The following GPM6A variants were observed in gnomAD, a reference collection of about 807,000 sequenced individuals.
GPM6A encodes the protein glycoprotein M6A.
GPM6A carries 7 observed loss-of-function variants against 32.1 expected under a neutral mutation model. The observed-to-expected ratio is 0.22, with a 90% CI of 0.12 to 0.41. The LOEUF is 0.41. Ranked by LOEUF, GPM6A falls within the 10% of genes least tolerant of loss-of-function variation. The pLI is 1.00. For missense variants in GPM6A, 235 were observed against 347.2 expected (o/e 0.68, Z 2.57); for synonymous variants, 130 against 123.4 (o/e 1.05, Z -0.35).
At chr4:175,903,288 A>C (rs1738026396) in intron 1 of GPM6A, among the ~76,000 whole-genome samples, 1 of 152,070 alleles carries the variant, frequency 6.6e-6, no homozygotes, top group South Asian at 2.1e-4. Context: ...ATTCATTGAA[A>C]AAAAAAGAAT....
At chr4:175,943,927 A>G (rs983420430) in intron 1 of GPM6A, among the ~76,000 whole-genome samples, 4 of 152,066 alleles carry the variant, frequency 2.6e-5, no homozygotes, top group Admixed American at 2.0e-4. Context: ...CTCTTTTTCT[A>G]TTGTTTGGAA....
chr4:175,861,054 A>G (rs1449544074), intron 1 of GPM6A, among the ~76,000 whole-genome samples: 1 of 152,202 alleles, frequency 6.6e-6, no homozygotes, highest in Non-Finnish European at 1.5e-5. Flanking sequence ...AAATGAATTT[A>G]GATCCATGAA....
At chr4:175,887,411 C>G (rs1737494727) in intron 1 of GPM6A, among the ~76,000 whole-genome samples, 2 of 151,782 alleles carry the variant, frequency 1.3e-5, no homozygotes, top group Non-Finnish European at 1.5e-5. Flanking sequence ...TACAGGAATG[C>G]AGATTAAACA....
At position 175,935,185 on chromosome 4, in the gene GPM6A, AC is replaced by A. The variant is rs554774361; in HGVS notation, c.-23+67123del. ...TCCAATAGCAAAACCTGATGTTTGG[AC>A]AGTGTGACTCATCAATCTGGAATTA... On this transcript the variant is annotated intron_variant, in intron 1 of 7. Transcript: ENST00000280187. 7.9e-5 allele frequency among the ~76,000 whole-genome samples: 12 copies of A among 152,304 alleles called. No homozygotes were observed. In the South Asian group the frequency reaches 2.5e-3, roughly 32 times the overall value.
chr4:175,864,701 TC>T (rs1736677091), intron 1 of GPM6A, among the ~76,000 whole-genome samples: 1 of 152,226 alleles, frequency 6.6e-6, no homozygotes, highest in South Asian at 2.1e-4. Flanking sequence ...GGCATACTAT[TC>T]ATGTAATCTT....
At chr4:175,668,184 G>A (rs1387588482) in intron 3 of GPM6A, among the ~76,000 whole-genome samples, 2 of 151,804 alleles carry the variant, frequency 1.3e-5, no homozygotes, top group East Asian at 3.9e-4. Flanking sequence ...TTATGTACTA[G>A]CATAGTTAAT....
rs185688069 is a variant in GPM6A at position 175,766,227 on chromosome 4, A to C, written c.37+45964T>G. On this transcript the variant is annotated intron_variant, in intron 1 of 6. Coordinates refer to ENST00000393658, the MANE Select transcript of GPM6A (RefSeq NM_201591.3). Reference sequence around the variant, plus strand: ...ATCTCTAGAATAGTTCATGTAATTAAAATTTTCATAAAATACTAAAATTAG... The same window carrying C: ...ATCTCTAGAATAGTTCATGTAATTACAATTTTCATAAAATACTAAAATTAG... 2.5e-3 allele frequency among the ~76,000 whole-genome samples: 374 copies of C among 152,336 alleles called. 2 individuals are homozygous for C. Among genetic ancestry groups the C allele is most frequent in the Non-Finnish European group, 4.2e-3 (287 of 68,030 alleles).
chr4:175,918,691 A>G (rs981842766), intron 1 of GPM6A, among the ~76,000 whole-genome samples: 3 of 152,208 alleles, frequency 2.0e-5, no homozygotes, highest in Non-Finnish European at 4.4e-5. Flanking sequence ...AGAAAACTGC[A>G]TATCATGTTT....
At chr4:175,842,631 A>G (rs550683467) in intron 1 of GPM6A, among the ~76,000 whole-genome samples, 8 of 152,262 alleles carry the variant, frequency 5.3e-5, no homozygotes, top group Non-Finnish European at 8.8e-5. Flanking sequence ...TAGGAGTTCA[A>G]TGCTTCAGTG....
At chr4:175,963,203 T>G (rs192744480) in intron 1 of GPM6A, among the ~76,000 whole-genome samples, 3 of 151,752 alleles carry the variant, frequency 2.0e-5, no homozygotes, top group Non-Finnish European at 2.9e-5. Context: ...ATAATGAGAA[T>G]TCAAGAAGGA....
intron 2 of GPM6A, 125 bp from the exon 3 acceptor site, chr4:175,673,961 G>T (rs1384024787): frequency 3.2e-6 from 2 of 630,432 alleles, no homozygotes; most frequent in Admixed American, 6.4e-5. Context: ...CATAATGAAG[G>T]TTGGATTTAA....
chr4:175,754,695 A>C (rs1426091111), intron 1 of GPM6A, among the ~76,000 whole-genome samples: 1 of 152,188 alleles, frequency 6.6e-6, no homozygotes. Flanking sequence ...CTAGAAGTAC[A>C]TTCACATTTG....
intron 2 of GPM6A, among the ~76,000 whole-genome samples, chr4:175,685,931 G>A (rs1743954586): frequency 6.6e-6 from 1 of 152,132 alleles, no homozygotes; most frequent in African/African-American, 2.4e-5. Context: ...GTGTGTGTGT[G>A]TGTGTGTGCA....
chr4:175,652,506 C>T (rs7688791), intron 3 of GPM6A, among the ~76,000 whole-genome samples: 4,632 of 151,952 alleles, frequency 0.03, 99 homozygotes, highest in South Asian at 0.059. Context: ...ACTCTTCTAA[C>T]ATTTTTATAA....
chr4:175,833,379 G>A lies in GPM6A; in HGVS notation c.-22-21130C>T, dbSNP rs543169144. 2.0e-5 allele frequency among the ~76,000 whole-genome samples: 3 copies of A among 152,242 alleles called. No individual in the cohort carries two copies. The East Asian group carries it at 5.8e-4, about 29-fold the overall frequency. ...TCCTTACCACCTGTAGGACTCTGTA[G>A]AAGCATGCAGAGACGCAGCTGAATG... On this transcript the variant is annotated intron_variant, in intron 1 of 7. Transcript: ENST00000280187.
intron 1 of GPM6A, among the ~76,000 whole-genome samples, chr4:175,713,766 G>A (rs1024287595): frequency 5.3e-5 from 8 of 152,214 alleles, no homozygotes; most frequent in South Asian, 2.1e-4. Flanking sequence ...GAAAAAATTC[G>A]CAGCGTTCAA....
chr4:175,981,049 C>T (rs116026243), intron 1 of GPM6A, among the ~76,000 whole-genome samples: 4,716 of 152,184 alleles, frequency 0.031, 158 homozygotes, highest in African/African-American at 0.085. Flanking sequence ...AGAAAGATTA[C>T]AAATACAGGA....
At chr4:175,929,973 C>G (rs930755181) in intron 1 of GPM6A, among the ~76,000 whole-genome samples, 2 of 152,074 alleles carry the variant, frequency 1.3e-5, no homozygotes, top group Non-Finnish European at 2.9e-5. Context: ...AGAGTTAGTT[C>G]TGTCTCATTC....
At chr4:175,730,840 C>G (rs1382495693) in intron 1 of GPM6A, among the ~76,000 whole-genome samples, 1 of 152,092 alleles carries the variant, frequency 6.6e-6, no homozygotes, top group Non-Finnish European at 1.5e-5. Context: ...GTACATGATT[C>G]AGTTCTCATC....
Sources: gnomAD v4.1 joint callset for allele counts (sites outside exome capture counted in the v4.1 genomes callset) on GRCh38, gnomAD v4.1.1 for gene constraint, MANE v1.5 for transcripts, NCBI Gene and HGNC (gene_info 2026-07-23, HGNC 2026-07-21) for gene names.